Variants in TNS1 observed in about 807,000 individuals in gnomAD.
The protein encoded by TNS1 is tensin 1, also known as tensin-1.
Under a neutral mutation model 168.6 loss-of-function variants are expected in TNS1, and 62 were observed. That is an observed-to-expected ratio of 0.37 (90% CI 0.30 to 0.45). TNS1 has a LOEUF of 0.45. TNS1 is among the 20% of genes least tolerant of loss of function. The pLI, the probability that TNS1 is intolerant of heterozygous loss-of-function variation, is 1.00. For missense variants in TNS1, 2,240 were observed against 2,339.4 expected, an observed-to-expected ratio of 0.96 and a Z score of 0.88; for synonymous variants, 934 against 933.2, an observed-to-expected ratio of 1.00 and a Z score of -0.02.
Position 217,848,181 on chromosome 2 carries a change from TGC to T in TNS1, c.2334_2335del (p.Gln779AlafsTer41). 6.2e-7 allele frequency: 1 copy of T among 1,604,668 alleles called. No homozygotes were observed. Among genetic ancestry groups the T allele is most frequent in the Non-Finnish European group, 8.5e-7 (1 of 1,175,372 alleles). On this transcript the variant is annotated frameshift_variant, in exon 19 of 33. Transcript: ENST00000682258. LOFTEE classifies it high-confidence loss of function. The stretch of plus-strand genomic sequence containing the variant: ...TGGGCGAGGCTGCTGCTGCTGCTGC[TGC>T]TGCTGCTGCCACGAATTCAGTCCCC...
At chr2:217,896,830 T>C (rs949608858) in intron 8 of TNS1, among the ~76,000 whole-genome samples, 3 of 152,234 alleles carry the variant, frequency 2.0e-5, no homozygotes, top group East Asian at 1.9e-4. Flanking sequence ...ATATAACTTA[T>C]GCATATACTT....
At position 217,847,921 on chromosome 2, in the gene TNS1, C is replaced by T. The variant is rs61738776; in HGVS notation, c.2596G>A (p.Ala866Thr). Residue 866 changes from alanine (A) to threonine (T), a missense_variant, in exon 19 of 33, where the codon GCT becomes ACT. By Grantham distance (58) the Ala-to-Thr change is moderately conservative. Transcript: ENST00000682258. ...SQSVPGAWPG[A>T]SPLSSQPLSG... The stretch of plus-strand genomic sequence containing the variant: ...AGGGGCTGGGAGGAGAGTGGAGAAG[C>T]CCCTGGCCAGGCCCCGGGGACACTC... The T allele has an allele frequency of 3.4e-4, 514 of 1,524,924 alleles. 2 individuals are homozygous for T. The African/African-American group carries it at 6.5e-3, about 19-fold the overall frequency. The allele number at this position is 1,524,924 out of a possible 1,614,324, so 94.5% of individuals were successfully genotyped here.
chr2:217,969,245 A>G (rs1957721447), intron 3 of TNS1, among the ~76,000 whole-genome samples: 1 of 152,236 alleles, frequency 6.6e-6, no homozygotes, highest in Non-Finnish European at 1.5e-5. Context: ...TTTTCACCAA[A>G]TAGTGCTGGA....
At chr2:217,811,610 T>G (rs1940918549) in intron 28 of TNS1, among the ~76,000 whole-genome samples, 1 of 152,142 alleles carries the variant, frequency 6.6e-6, no homozygotes, top group African/African-American at 2.4e-5. Context: ...TTCCGAGACC[T>G]TGCACTGCGG....
chr2:217,962,375 G>T (rs549222899), intron 3 of TNS1, among the ~76,000 whole-genome samples: 2 of 152,092 alleles, frequency 1.3e-5, no homozygotes, highest in South Asian at 4.1e-4. Flanking sequence ...CCCAGGAGGC[G>T]GAGGTTGCAG....
At chr2:217,851,714 A>T (rs1947526047) in intron 18 of TNS1, among the ~76,000 whole-genome samples, 1 of 152,204 alleles carries the variant, frequency 6.6e-6, no homozygotes, top group Non-Finnish European at 1.5e-5. Context: ...AAAGGCTGCT[A>T]AGATGCAGGA....
At chr2:217,808,460 C>T (rs1271318399) in intron 31 of TNS1, 143 bp downstream of exon 31, 10 of 847,696 alleles carry the variant, frequency 1.2e-5, no homozygotes, top group Middle Eastern at 3.2e-4. Context: ...AACACGATTA[C>T]TCACACATGG....
intron 3 of TNS1, among the ~76,000 whole-genome samples, chr2:217,955,407 A>C (rs1366473752): frequency 6.6e-6 from 1 of 152,132 alleles, no homozygotes. Context: ...CATCCTGAGA[A>C]GTGGGCCCAA....
intron 3 of TNS1, among the ~76,000 whole-genome samples, chr2:217,958,140 T>C (rs1197646483): frequency 6.6e-6 from 1 of 152,004 alleles, no homozygotes; most frequent in African/African-American, 2.4e-5. Flanking sequence ...CAAGAAAAAT[T>C]AAAAACATAT....
chr2:218,026,802 G>T (rs961783149), intron 1 of TNS1, among the ~76,000 whole-genome samples: 1 of 152,218 alleles, frequency 6.6e-6, no homozygotes, highest in Non-Finnish European at 1.5e-5. Flanking sequence ...GGGCAGACAT[G>T]CCTGGCCTGG....
At chr2:217,988,941 T>C (rs1177396204) in intron 2 of TNS1, among the ~76,000 whole-genome samples, 1 of 152,074 alleles carries the variant, frequency 6.6e-6, no homozygotes, top group Non-Finnish European at 1.5e-5. Flanking sequence ...GTAAGCGCTT[T>C]AGAAATTGTT....
chr2:217,917,826 T>C (rs1955210609), intron 4 of TNS1, among the ~76,000 whole-genome samples: 2 of 80,544 alleles, frequency 2.5e-5, no homozygotes, highest in East Asian at 4.2e-4. Flanking sequence ...GTGAGACTGT[T>C]CTCAAAAAAA....
chr2:217,916,592 C>T (rs529185415), intron 4 of TNS1, among the ~76,000 whole-genome samples: 21 of 151,974 alleles, frequency 1.4e-4, no homozygotes, highest in Non-Finnish European at 2.8e-4. Context: ...TCCATCCTGC[C>T]CCACCAGTGC....
chr2:217,838,252 T>C lies in TNS1; in HGVS notation c.3008-2041A>G, dbSNP rs184077451. Among the ~76,000 whole-genome samples the C allele has an allele frequency of 1.1e-3, 166 of 152,328 alleles. 3 individuals are homozygous for C. The Middle Eastern group carries it at 0.031, about 28-fold the overall frequency. ...GTTTGCCATTAAAAAATAGATCTGT[T>C]TGCATTTGAGGCACCGAATCTCCTG... On this transcript the variant is annotated intron_variant, in intron 19 of 32. Transcript: ENST00000682258.
At chr2:218,023,258 C>T (rs1448517034) in intron 1 of TNS1, among the ~76,000 whole-genome samples, 6 of 152,186 alleles carry the variant, frequency 3.9e-5, no homozygotes, top group South Asian at 2.1e-4. Flanking sequence ...CTGGGAACCC[C>T]GAGACCAGGC....
At chr2:217,812,526 T>C in intron 27 of TNS1, 81 bp from the exon 28 acceptor site, 1 of 1,162,312 alleles carries the variant, frequency 8.6e-7, no homozygotes, top group East Asian at 2.4e-5. Context: ...CTTACACCGA[T>C]ACACACAATC....
rs1942862732 is a variant in TNS1, at chr2:217,821,631, C to T, written c.3572+109G>A. ...TGCAAGGTACCGCCATCTGGGTATG[C>T]TTTCTGCCTGTCCACGCCATAGGCA... On this transcript the variant is annotated intron_variant, in intron 23 of 32. Coordinates refer to ENST00000682258, the MANE Select transcript of TNS1 (RefSeq NM_001387777.1). 4.4e-6 allele frequency: 5 copies of T among 1,138,216 alleles called. No individual in the cohort carries two copies. The South Asian group carries it at 6.4e-5, about 15-fold the overall frequency. The allele number at this position is 1,138,216 out of a possible 1,614,324, so 70.5% of individuals were successfully genotyped here. A position where few individuals can be genotyped will look rare whatever the true frequency, so the allele number is the denominator to read the frequency against.
chr2:217,979,528 G>GACACAC (rs35499293), intron 2 of TNS1, among the ~76,000 whole-genome samples: 15 of 146,784 alleles, frequency 1.0e-4, no homozygotes, highest in Admixed American at 2.0e-4. Context: ...GAAACACACA[G>GACACAC]ACACACACAC....
intron 3 of TNS1, among the ~76,000 whole-genome samples, chr2:217,930,272 C>G (rs1398554824): frequency 6.6e-6 from 1 of 152,218 alleles, no homozygotes; most frequent in Admixed American, 6.5e-5. Context: ...GAAATTGAAC[C>G]AAGTTCTGCC....
Sources: gnomAD v4.1 joint callset for allele counts (sites outside exome capture counted in the v4.1 genomes callset) on GRCh38, gnomAD v4.1.1 for gene constraint, MANE v1.5 for transcripts, NCBI Gene and HGNC (gene_info 2026-07-23, HGNC 2026-07-21) for gene names.